Variants in SLC35F2 observed in about 807,000 individuals in gnomAD.
The protein encoded by SLC35F2 is solute carrier family 35 member F2, also known as queuine/queuosine transporter SLC35F2.
Under a neutral mutation model 38.1 loss-of-function variants are expected in SLC35F2, and 25 were observed. That is an observed-to-expected ratio of 0.66 (90% CI 0.48 to 0.92). The LOEUF is 0.92. Among genes scored for constraint, SLC35F2 ranks in the 40% least tolerant of loss-of-function variants. The pLI is 0.00. For missense variants in SLC35F2, 409 were observed against 452.9 expected (o/e 0.90, Z 0.88); for synonymous variants, 173 against 181.7 (o/e 0.95, Z 0.38).
chr11:107,842,581 G>A (rs746804984), intron 1 of SLC35F2, among the ~76,000 whole-genome samples: 1 of 151,862 alleles, frequency 6.6e-6, no homozygotes, highest in Non-Finnish European at 1.5e-5. Context: ...ATGCAGTGGC[G>A]CAATCTCAGC....
At chr11:107,805,237 T>C in intron 5 of SLC35F2, 122 bp downstream of exon 5, 1 of 1,390,208 alleles carries the variant, frequency 7.2e-7, no homozygotes, top group South Asian at 1.6e-5. Context: ...ACAATTACTC[T>C]TGCATCCACC....
intron 1 of SLC35F2, among the ~76,000 whole-genome samples, chr11:107,856,105 C>CAAA (rs1229189240): frequency 4.4e-4 from 42 of 95,064 alleles, no homozygotes; most frequent in Non-Finnish European, 5.5e-4. Flanking sequence ...AACTCTGTCT[C>CAAA]AAAAAAAAAA....
In SLC35F2 at chr11:107,792,501, C is replaced by T; in HGVS notation, c.*114G>A. On this transcript the variant is annotated 3_prime_UTR_variant, in exon 8 of 8. Transcript: ENST00000525815. ...CTTTCTAAAACCTAACCACTGGATCCAACCCAGGGTTGTAGAGTGTCCATT... is the reference window on the plus strand; with the variant it reads ...CTTTCTAAAACCTAACCACTGGATCTAACCCAGGGTTGTAGAGTGTCCATT... 8.0e-7 allele frequency: 1 copy of T among 1,253,426 alleles called. No homozygotes were observed. The highest frequency in any genetic ancestry group is 2.7e-5 in the East Asian group (1 of 37,316). The allele number at this position is 1,253,426 out of a possible 1,614,324, so 77.6% of individuals were successfully genotyped here.
chr11:107,807,163 G>A (rs918518180), intron 3 of SLC35F2, among the ~76,000 whole-genome samples: 2 of 151,282 alleles, frequency 1.3e-5, no homozygotes, highest in South Asian at 2.1e-4. Context: ...AGCTGGGCAC[G>A]GTGGCTCACG....
chr11:107,839,850 T>A (rs1859988547), intron 1 of SLC35F2, among the ~76,000 whole-genome samples: 1 of 152,158 alleles, frequency 6.6e-6, no homozygotes, highest in African/African-American at 2.4e-5. Flanking sequence ...ATGGGGTTTC[T>A]GCATGTTAGT....
At chr11:107,841,948 C>A (rs1860018447) in intron 1 of SLC35F2, among the ~76,000 whole-genome samples, 1 of 151,840 alleles carries the variant, frequency 6.6e-6, no homozygotes, top group South Asian at 2.1e-4. Flanking sequence ...CACCTGTAAT[C>A]CCAGCTACTC....
intron 1 of SLC35F2, among the ~76,000 whole-genome samples, chr11:107,848,418 CAT>C (rs1327673823): frequency 1.3e-5 from 2 of 152,196 alleles, no homozygotes; most frequent in South Asian, 2.1e-4. Context: ...CCTCAAAATT[CAT>C]ATGTTGAAAT....
At chr11:107,804,863 G>T in intron 5 of SLC35F2, 93 bp from the exon 6 acceptor site, 2 of 1,182,392 alleles carry the variant, frequency 1.7e-6, no homozygotes, top group Non-Finnish European at 2.4e-6. Context: ...CTAAAGTGAG[G>T]AATTACATGG....
intron 1 of SLC35F2, among the ~76,000 whole-genome samples, chr11:107,854,857 G>T (rs1241436056): frequency 6.6e-6 from 1 of 152,096 alleles, no homozygotes; most frequent in Non-Finnish European, 1.5e-5. Flanking sequence ...GAGCTATGTG[G>T]TTATAAATCT....
At chr11:107,798,089 T>C (rs1438720435) in intron 7 of SLC35F2, among the ~76,000 whole-genome samples, 2 of 152,108 alleles carry the variant, frequency 1.3e-5, no homozygotes, top group East Asian at 1.9e-4. Flanking sequence ...GTGCAACCTC[T>C]ACCTCCTGGG....
At chr11:107,809,329 C>CAAAAAAAAAAAA (rs61511493) in intron 3 of SLC35F2, among the ~76,000 whole-genome samples, 1 of 96,120 alleles carries the variant, frequency 1.0e-5, no homozygotes, top group Non-Finnish European at 2.2e-5. Context: ...ACTCAAAATA[C>CAAAAAAAAAAAA]AAAAAAAAAA....
chr11:107,808,968 A>G (rs1169793850), intron 3 of SLC35F2, among the ~76,000 whole-genome samples: 1 of 152,192 alleles, frequency 6.6e-6, no homozygotes, highest in East Asian at 1.9e-4. Context: ...TTTGTTGGGC[A>G]ATGAGGGAGA....
chr11:107,823,283 GTGACCGATAAGATGCATTATT>G (rs1485164202), intron 1 of SLC35F2: 5 of 898,390 alleles, frequency 5.6e-6, no homozygotes, highest in Non-Finnish European at 5.3e-6. Flanking sequence ...GGAGTTCCAA[GTGACCGATAAGATGCATTATT>G]TGAATGCAAA....
chr11:107,833,518 CAAA>C (rs34376803), intron 1 of SLC35F2, among the ~76,000 whole-genome samples: 7 of 89,524 alleles, frequency 7.8e-5, no homozygotes, highest in Admixed American at 2.3e-4. Context: ...GACTCTGTCT[CAAA>C]AAAAAAAAAA....
chr11:107,803,951 G>C (rs981682442), intron 6 of SLC35F2, among the ~76,000 whole-genome samples: 1 of 151,342 alleles, frequency 6.6e-6, no homozygotes, highest in African/African-American at 2.4e-5. Context: ...TCAGCCTCCC[G>C]AGTAGCTGAG....
chr11:107,815,708 C>G, intron 2 of SLC35F2, 82 bp downstream of exon 2: 1 of 1,464,082 alleles, frequency 6.8e-7, no homozygotes, highest in Non-Finnish European at 9.2e-7. Context: ...ACTACTTTCA[C>G]AGAATTTAGA....
rs1859128926 is a variant in SLC35F2 at position 107,791,410 on chromosome 11, GAGA to G, written c.*1202_*1204del. On this transcript the variant is annotated 3_prime_UTR_variant, in exon 8 of 8. Transcript: ENST00000525815. ...CAATAGGAATATTCCAGGAGGTCGTGAGAAGTTTTTAGAAAGGATGGCATCTAC... is the reference window on the plus strand; with the variant it reads ...CAATAGGAATATTCCAGGAGGTCGTGAGTTTTTAGAAAGGATGGCATCTAC... The G allele has an allele frequency of 6.6e-6, 1 of 152,174 alleles. No individual in the cohort carries two copies. The highest frequency in any genetic ancestry group is 2.4e-5 in the African/African-American group (1 of 41,436). 9.4% of individuals were successfully genotyped at this position (152,174 alleles called of 1,614,324 possible). A position where few individuals can be genotyped will look rare whatever the true frequency, so the allele number is the denominator to read the frequency against.
At chr11:107,811,887 T>G in intron 2 of SLC35F2, 93 bp from the exon 3 acceptor site, 1 of 1,235,280 alleles carries the variant, frequency 8.1e-7, no homozygotes, top group Non-Finnish European at 1.1e-6. Flanking sequence ...AAGAGTTTCT[T>G]GTTTTTTTTT....
intron 1 of SLC35F2, among the ~76,000 whole-genome samples, chr11:107,843,868 A>AAAT (rs1860058583): frequency 2.1e-5 from 1 of 46,882 alleles, no homozygotes; most frequent in Non-Finnish European, 3.7e-5. Flanking sequence ...AAAAAAAAAA[A>AAAT]ATATATATAT....
Sources: gnomAD v4.1 joint callset for allele counts (sites outside exome capture counted in the v4.1 genomes callset) on GRCh38, gnomAD v4.1.1 for gene constraint, MANE v1.5 for transcripts, NCBI Gene and HGNC (gene_info 2026-07-23, HGNC 2026-07-21) for gene names.